GALNTL6: variants seen among roughly 807,000 people sequenced by gnomAD.
GALNTL6 encodes polypeptide N-acetylgalactosaminyltransferase-like 6.
Under a neutral mutation model 73.7 loss-of-function variants are expected in GALNTL6, and 46 were observed. That is an observed-to-expected ratio of 0.62 (90% CI 0.49 to 0.80). The LOEUF is 0.80. Ranked by LOEUF, GALNTL6 falls within the 30% of genes least tolerant of loss-of-function variation. The probability of loss-of-function intolerance (pLI) is 0.00; values close to 1 mark genes in which losing one functional copy is unlikely to be tolerated. For missense variants in GALNTL6, 604 were observed against 755.0 expected, an observed-to-expected ratio of 0.80 and a Z score of 2.34; for synonymous variants, 259 against 263.7, an observed-to-expected ratio of 0.98 and a Z score of 0.17.
At chr4:172,632,093 G>A (rs1278535494) in intron 5 of GALNTL6, among the ~76,000 whole-genome samples, 2 of 152,200 alleles carry the variant, frequency 1.3e-5, no homozygotes, top group Admixed American at 1.3e-4. Context: ...GGCCTCCCCA[G>A]CTATGTGGAA....
At chr4:171,922,533 G>A (rs1347575603) in intron 2 of GALNTL6, among the ~76,000 whole-genome samples, 1 of 94,202 alleles carries the variant, frequency 1.1e-5, no homozygotes, top group African/African-American at 8.9e-5. Context: ...TTTATTGTGT[G>A]TATTTTTTTT....
intron 12 of GALNTL6, among the ~76,000 whole-genome samples, chr4:173,032,450 CAA>C (rs1394068256): frequency 1.5e-4 from 13 of 87,394 alleles, no homozygotes; most frequent in South Asian, 3.6e-4. Context: ...GACTCCGTCT[CAA>C]AAAAAAAAAA....
chr4:172,825,098 CTTTCTTTCT>C (rs1252408805), intron 7 of GALNTL6, among the ~76,000 whole-genome samples: 1 of 76,960 alleles, frequency 1.3e-5, no homozygotes. Flanking sequence ...TTCTTTCTTT[CTTTCTTTCT>C]TTCTTTCTTT....
intron 5 of GALNTL6, among the ~76,000 whole-genome samples, chr4:172,629,186 T>C (rs1402304533): frequency 1.3e-5 from 2 of 152,188 alleles, no homozygotes; most frequent in African/African-American, 4.8e-5. Context: ...CTGTGTGTTT[T>C]CTTCTGTTTT....
At chr4:172,638,470 C>G (rs2111114258) in intron 5 of GALNTL6, among the ~76,000 whole-genome samples, 1 of 152,162 alleles carries the variant, frequency 6.6e-6, no homozygotes, top group Middle Eastern at 3.4e-3. Context: ...TGCATGCATC[C>G]CACTCTCTGA....
chr4:172,159,340 T>C (rs867721750), intron 2 of GALNTL6, among the ~76,000 whole-genome samples: 6 of 152,286 alleles, frequency 3.9e-5, no homozygotes, highest in African/African-American at 1.2e-4. Flanking sequence ...TTTGAGGACA[T>C]GCAGATATGT....
intron 2 of GALNTL6, among the ~76,000 whole-genome samples, chr4:172,031,099 G>C (rs17057921): frequency 0.44 from 66,762 of 151,840 alleles, 15,172 homozygotes; most frequent in Admixed American, 0.54. Context: ...CCAAGACTCT[G>C]ATTCTTTTTA....
intron 9 of GALNTL6, among the ~76,000 whole-genome samples, chr4:172,948,940 CCTATT>C (rs1749305568): frequency 6.6e-6 from 1 of 152,168 alleles, no homozygotes; most frequent in African/African-American, 2.4e-5. Context: ...ATTGATATTG[CCTATT>C]CTGGTTAGCA....
intron 4 of GALNTL6, among the ~76,000 whole-genome samples, chr4:172,321,225 TC>T: frequency 6.6e-6 from 1 of 152,162 alleles, no homozygotes. Context: ...GTGGAACATA[TC>T]CCCCATGGAT....
intron 2 of GALNTL6, among the ~76,000 whole-genome samples, chr4:171,914,148 C>T (rs532418005): frequency 2.6e-5 from 4 of 152,230 alleles, no homozygotes; most frequent in Non-Finnish European, 1.5e-5. Context: ...AAAGGTCCCC[C>T]ACACATGACA....
intron 2 of GALNTL6, among the ~76,000 whole-genome samples, chr4:172,095,218 T>C (rs1227381880): frequency 6.6e-6 from 1 of 151,822 alleles, no homozygotes; most frequent in Non-Finnish European, 1.5e-5. Flanking sequence ...AGAGAGATGA[T>C]AGAAGTAGTA....
chr4:172,898,291 TACACACACACAC>T (rs5741949), intron 8 of GALNTL6, among the ~76,000 whole-genome samples: 77 of 147,384 alleles, frequency 5.2e-4, no homozygotes, highest in African/African-American at 1.1e-3. Flanking sequence ...TATACTTTAT[TACACACACACAC>T]ACACACACAC....
intron 2 of GALNTL6, among the ~76,000 whole-genome samples, chr4:171,880,079 G>T (rs1736396267): frequency 6.6e-6 from 1 of 152,082 alleles, no homozygotes; most frequent in African/African-American, 2.4e-5. Context: ...TCAAATTGTG[G>T]ATGCCATACA....
At chr4:172,522,616 G>T (rs931761918) in intron 5 of GALNTL6, among the ~76,000 whole-genome samples, 8 of 150,564 alleles carry the variant, frequency 5.3e-5, no homozygotes, top group Non-Finnish European at 1.0e-4. Flanking sequence ...TTTGCAGTGA[G>T]CTGAGATTGC....
intron 5 of GALNTL6, among the ~76,000 whole-genome samples, chr4:172,604,249 G>A (rs979967964): frequency 1.3e-5 from 2 of 152,178 alleles, no homozygotes; most frequent in African/African-American, 4.8e-5. Flanking sequence ...CTAGCTGTAA[G>A]TTGCTTCAAT....
chr4:172,067,137 C>A (rs1560908554), intron 2 of GALNTL6, among the ~76,000 whole-genome samples: 1 of 151,824 alleles, frequency 6.6e-6, no homozygotes, highest in Admixed American at 6.6e-5. Flanking sequence ...CCCACTTGAT[C>A]AACTAGATCA....
intron 3 of GALNTL6, among the ~76,000 whole-genome samples, chr4:172,297,287 T>G (rs6837606): frequency 0.17 from 26,406 of 152,138 alleles, 2,513 homozygotes; most frequent in African/African-American, 0.21. Context: ...TGCAAAAATT[T>G]TCTCCCATTC....
intron 4 of GALNTL6, among the ~76,000 whole-genome samples, chr4:172,339,098 G>A (rs1741449466): frequency 6.6e-6 from 1 of 152,072 alleles, no homozygotes; most frequent in African/African-American, 2.4e-5. Context: ...GCTGCACTGT[G>A]GTCTCTGCGT....
intron 5 of GALNTL6, among the ~76,000 whole-genome samples, chr4:172,361,649 G>A (rs905466401): frequency 1.3e-5 from 2 of 152,212 alleles, no homozygotes; most frequent in Non-Finnish European, 1.5e-5. Context: ...GTCTGCAAAC[G>A]GGGTTAACCC....
Sources: gnomAD v4.1 joint callset for allele counts (sites outside exome capture counted in the v4.1 genomes callset) on GRCh38, gnomAD v4.1.1 for gene constraint, MANE v1.5 for transcripts, NCBI Gene and HGNC (gene_info 2026-07-23, HGNC 2026-07-21) for gene names.